Variants in TRABD2B observed in about 807,000 individuals in gnomAD.
TRABD2B encodes the protein TraB domain containing 2B.
TRABD2B carries 14 observed loss-of-function variants against 40.1 expected under a neutral mutation model. The ratio of observed to expected loss-of-function variants is 0.35; its 90% CI spans 0.23 to 0.55. The LOEUF is 0.55. Ranked by LOEUF, TRABD2B falls within the 20% of genes least tolerant of loss-of-function variation. The pLI is 0.90. For missense variants in TRABD2B, 541 were observed against 648.6 expected (o/e 0.83, Z 1.80); for synonymous variants, 263 against 277.0 (o/e 0.95, Z 0.50).
intron 2 of TRABD2B, among the ~76,000 whole-genome samples, chr1:47,805,813 T>G (rs1282358415): frequency 6.6e-6 from 1 of 150,848 alleles, no homozygotes; most frequent in African/African-American, 2.5e-5. Context: ...TTAGCTCCAT[T>G]TAATTAAAAA....
rs535557632 is a variant in TRABD2B, at chr1:47,939,934, T to A, written c.666+54100A>T. On this transcript the variant is annotated intron_variant, in intron 2 of 6. Transcript: ENST00000606738. ...CCCTCCCACACTGAATCCAGAGTGG[T>A]CCTTCTGAGATCCAAGCAAACCTTG... 3.3e-5 allele frequency among the ~76,000 whole-genome samples: 5 copies of A among 152,188 alleles called. No individual in the cohort carries two copies. In the East Asian group the frequency reaches 9.7e-4, roughly 29 times the overall value.
chr1:47,949,387 A>G (rs995980110), intron 2 of TRABD2B, among the ~76,000 whole-genome samples: 1 of 94,114 alleles, frequency 1.1e-5, no homozygotes, highest in Non-Finnish European at 2.3e-5. Flanking sequence ...CTATGATTGT[A>G]TTTTCTTTTC....
intron 2 of TRABD2B, among the ~76,000 whole-genome samples, chr1:47,887,475 G>C (rs1202132255): frequency 6.6e-6 from 1 of 151,788 alleles, no homozygotes; most frequent in African/African-American, 2.4e-5. Flanking sequence ...CAGGGACCAA[G>C]AGACATCCTA....
At chr1:47,943,504 G>C (rs1019660629) in intron 2 of TRABD2B, among the ~76,000 whole-genome samples, 10 of 152,052 alleles carry the variant, frequency 6.6e-5, no homozygotes, top group Non-Finnish European at 1.2e-4. Context: ...AAAGATCACA[G>C]AAATCAGAGT....
chr1:47,852,091 C>A (rs1645556880), intron 2 of TRABD2B, among the ~76,000 whole-genome samples: 1 of 152,208 alleles, frequency 6.6e-6, no homozygotes, highest in South Asian at 2.1e-4. Flanking sequence ...AAACAGAAAG[C>A]TAGAAACTGT....
At chr1:47,815,848 G>C (rs1645025277) in intron 2 of TRABD2B, among the ~76,000 whole-genome samples, 1 of 137,466 alleles carries the variant, frequency 7.3e-6, no homozygotes, top group South Asian at 2.5e-4. Context: ...TAGATAGATA[G>C]ATAGAAATAG....
intron 2 of TRABD2B, among the ~76,000 whole-genome samples, chr1:47,809,839 G>A (rs1224916340): frequency 6.6e-6 from 1 of 152,182 alleles, no homozygotes; most frequent in Non-Finnish European, 1.5e-5. Context: ...GTCACCACTG[G>A]ACTCTTCACT....
chr1:47,963,895 G>A (rs1557683524), intron 2 of TRABD2B, among the ~76,000 whole-genome samples: 1 of 152,236 alleles, frequency 6.6e-6, no homozygotes, highest in Non-Finnish European at 1.5e-5. Flanking sequence ...GTCTGCAACA[G>A]GAGCTCAACA....
intron 2 of TRABD2B, among the ~76,000 whole-genome samples, chr1:47,913,721 C>A (rs544002090): frequency 6.6e-6 from 1 of 152,178 alleles, no homozygotes; most frequent in Non-Finnish European, 1.5e-5. Flanking sequence ...CTGCCATCAT[C>A]TGGCTCCAAG....
Position 47,825,941 on chromosome 1 carries a change from C to T in TRABD2B, c.667-24322G>A, listed in dbSNP as rs559745598. 2.0e-4 allele frequency among the ~76,000 whole-genome samples: 31 copies of T among 152,336 alleles called. No homozygotes were observed. The South Asian group carries it at 6.2e-3, about 31-fold the overall frequency. On this transcript the variant is annotated intron_variant, in intron 2 of 6. Coordinates refer to ENST00000606738, the MANE Select transcript of TRABD2B (RefSeq NM_001194986.2). ...CCAACCCTTGCTGGGTTTTGGTTTC[C>T]TCATCTGTTCAACAGGGAGAGGTTA...
intron 2 of TRABD2B, among the ~76,000 whole-genome samples, chr1:47,975,971 T>C (rs975022091): frequency 6.6e-6 from 1 of 151,964 alleles, no homozygotes; most frequent in African/African-American, 2.4e-5. Flanking sequence ...AGCTGTGGGG[T>C]TCCCTAGAGG....
chr1:47,867,574 A>G (rs1271767256), intron 2 of TRABD2B, among the ~76,000 whole-genome samples: 2 of 152,210 alleles, frequency 1.3e-5, no homozygotes, highest in South Asian at 2.1e-4. Flanking sequence ...AACATGCCCA[A>G]TGGACATCAG....
At chr1:47,831,415 C>A (rs138092247) in intron 2 of TRABD2B, among the ~76,000 whole-genome samples, 1 of 152,104 alleles carries the variant, frequency 6.6e-6, no homozygotes, top group Admixed American at 6.5e-5. Flanking sequence ...TTTGCTGCTG[C>A]GGGCGCAGTG....
chr1:47,890,319 C>T (rs1409109537), intron 2 of TRABD2B, among the ~76,000 whole-genome samples: 1 of 152,164 alleles, frequency 6.6e-6, no homozygotes, highest in African/African-American at 2.4e-5. Flanking sequence ...CCTAACACTG[C>T]CCCAGTTAGT....
chr1:47,770,041 G>A (rs754548977), intron 6 of TRABD2B, among the ~76,000 whole-genome samples: 5 of 152,192 alleles, frequency 3.3e-5, no homozygotes, highest in Non-Finnish European at 7.3e-5. Flanking sequence ...GAGCAGGGGT[G>A]GGTCTTGGCA....
intron 4 of TRABD2B, among the ~76,000 whole-genome samples, chr1:47,788,250 A>G (rs1420434137): frequency 6.6e-6 from 1 of 152,152 alleles, no homozygotes; most frequent in Non-Finnish European, 1.5e-5. Context: ...TGAATTTTAA[A>G]AGGTGTTAAT....
At chr1:47,913,670 G>A (rs1029618717) in intron 2 of TRABD2B, among the ~76,000 whole-genome samples, 1 of 152,220 alleles carries the variant, frequency 6.6e-6, no homozygotes, top group Non-Finnish European at 1.5e-5. Context: ...GCAGCATGGA[G>A]TTCCTGCTTC....
chr1:47,911,458 G>A (rs1231029302), intron 2 of TRABD2B, among the ~76,000 whole-genome samples: 1 of 152,230 alleles, frequency 6.6e-6, no homozygotes, highest in Admixed American at 6.5e-5. Context: ...GGCAGCAAGT[G>A]ACTTTCTCCT....
intron 2 of TRABD2B, among the ~76,000 whole-genome samples, chr1:47,866,428 ACACCCTACC>A (rs1644058883): frequency 6.6e-6 from 1 of 152,134 alleles, no homozygotes; most frequent in Non-Finnish European, 1.5e-5. Flanking sequence ...CCATTTCTCT[ACACCCTACC>A]CTTTTTCAGA....
Sources: allele counts gnomAD v4.1 joint callset (sites outside exome capture counted in the v4.1 genomes callset), GRCh38; gene constraint gnomAD v4.1.1; transcripts MANE v1.5; gene names NCBI Gene and HGNC (gene_info 2026-07-23, HGNC 2026-07-21).